Variants in CLIC4 observed in about 807,000 individuals in gnomAD.
The protein encoded by CLIC4 is chloride intracellular channel protein 4.
A neutral mutation model predicts 24.6 loss-of-function variants in CLIC4; 13 were observed. The ratio of observed to expected loss-of-function variants is 0.53; its 90% CI spans 0.34 to 0.84. The LOEUF is 0.84. Among genes scored for constraint, CLIC4 ranks in the 40% least tolerant of loss-of-function variants. The probability of loss-of-function intolerance (pLI) is 0.01; values close to 1 mark genes in which losing one functional copy is unlikely to be tolerated. For synonymous variants in CLIC4, 104 were observed against 111.3 expected (o/e 0.93, Z 0.41); for missense variants, 227 against 301.7 (o/e 0.75, Z 1.83).
rs1305619975 is a variant in CLIC4, at chr1:24,756,149, G to A, written c.72+10524G>A. Among the ~76,000 whole-genome samples the A allele has an allele frequency of 4.6e-5, 7 of 151,910 alleles. No homozygotes were observed. The South Asian group carries it at 1.0e-3, about 23-fold the overall frequency. Reference sequence around the variant, plus strand: ...CGAGTAGCTGGGACTACAGGCGCCCGCCACCACGCCTGGCTGATTTTTTCT... The same window carrying A: ...CGAGTAGCTGGGACTACAGGCGCCCACCACCACGCCTGGCTGATTTTTTCT... On this transcript the variant is annotated intron_variant, in intron 1 of 5. Transcript: ENST00000374379.
At chr1:24,825,456 G>GGGCCCT (rs1408412342) in intron 3 of CLIC4, among the ~76,000 whole-genome samples, 1 of 152,074 alleles carries the variant, frequency 6.6e-6, no homozygotes, top group African/African-American at 2.4e-5. Context: ...AGAGGGTAAA[G>GGGCCCT]GGCCCTATAG....
At chr1:24,769,508 T>TA (rs1229390729) in intron 1 of CLIC4, among the ~76,000 whole-genome samples, 1 of 152,234 alleles carries the variant, frequency 6.6e-6, no homozygotes, top group African/African-American at 2.4e-5. Flanking sequence ...TGATTTGTAC[T>TA]AACGTCTTTG....
chr1:24,827,708 C>T (rs909862529), intron 4 of CLIC4, among the ~76,000 whole-genome samples: 6 of 151,878 alleles, frequency 4.0e-5, no homozygotes, highest in African/African-American at 1.2e-4. Flanking sequence ...CATGTTTTCG[C>T]GGTAAGAGTT....
intron 2 of CLIC4, among the ~76,000 whole-genome samples, chr1:24,802,939 G>A (rs909066576): frequency 2.6e-5 from 4 of 152,000 alleles, no homozygotes; most frequent in South Asian, 2.1e-4. Context: ...GAACTCCTGG[G>A]CTCAAGCAGT....
chr1:24,841,168 C>G lies in CLIC4; in HGVS notation c.*231C>G, dbSNP rs1371615135. The G allele has an allele frequency of 6.9e-6, 2 of 289,004 alleles. No homozygotes were observed. Among genetic ancestry groups the G allele is most frequent in the East Asian group, 5.6e-5 (1 of 17,896 alleles). 17.9% of individuals were successfully genotyped at this position (289,004 alleles called of 1,614,324 possible). On this transcript the variant is annotated 3_prime_UTR_variant, in exon 6 of 6. Coordinates refer to ENST00000374379, the MANE Select transcript of CLIC4 (RefSeq NM_013943.3). ...ACCTCCCCTACCCGGGTTCCCCTCT[C>G]TTTAATTTGGAGACACTCCACCACA...
chr1:24,804,123 T>G (rs1183119900), intron 2 of CLIC4, among the ~76,000 whole-genome samples: 3 of 152,032 alleles, frequency 2.0e-5, no homozygotes, highest in African/African-American at 7.2e-5. Context: ...TCCATGATCT[T>G]CAGTAGCAGC....
intron 1 of CLIC4, among the ~76,000 whole-genome samples, chr1:24,769,925 C>G (rs1174040843): frequency 1.3e-5 from 2 of 151,852 alleles, no homozygotes; most frequent in African/African-American, 2.4e-5. Context: ...GGTGTCATCA[C>G]AGGTCACTGC....
At chr1:24,757,049 C>T (rs924104213) in intron 1 of CLIC4, among the ~76,000 whole-genome samples, 1 of 152,216 alleles carries the variant, frequency 6.6e-6, no homozygotes, top group African/African-American at 2.4e-5. Context: ...GCATGCACCA[C>T]CACACCCAGC....
intron 3 of CLIC4, among the ~76,000 whole-genome samples, chr1:24,824,442 A>G (rs750398507): frequency 6.6e-4 from 100 of 151,992 alleles, no homozygotes; most frequent in Non-Finnish European, 6.6e-4. Context: ...TGATTTTTGT[A>G]TTTTTAGTGG....
rs777782170 is a variant in CLIC4 at position 24,840,056 on chromosome 1, G to A, written c.597+15G>A. On this transcript the variant is annotated intron_variant, in intron 5 of 5. Transcript: ENST00000374379. ...ATATTGTCAAGGTAGGTCTGTAGGG[G>A]TTGATGTCGCATTGCCATTACCTTG... 11 of 1,609,624 alleles carry A rather than the reference G, an allele frequency of 6.8e-6. No homozygotes were observed. In the Admixed American group the frequency reaches 1.2e-4, roughly 17 times the overall value.
intron 1 of CLIC4, among the ~76,000 whole-genome samples, chr1:24,747,590 G>A (rs1393139606): frequency 6.7e-6 from 1 of 149,868 alleles, no homozygotes; most frequent in Non-Finnish European, 1.5e-5. Context: ...ACAGCATGGA[G>A]AAGGGAAACA....
In CLIC4 at chr1:24,755,218, G is replaced by A. The variant is rs543946064; in HGVS notation, c.72+9593G>A. ...CCTGACCTCATGATCTGCCCGCCTC[G>A]GCCTCCCAAAGTACTGGGATTACAG... is the stretch of plus-strand genomic sequence containing the variant. On this transcript the variant is annotated intron_variant, in intron 1 of 5. Transcript: ENST00000374379. Among the ~76,000 whole-genome samples the A allele has an allele frequency of 2.4e-3, 368 of 151,346 alleles. 2 individuals are homozygous for A. Among genetic ancestry groups the A allele is most frequent in the African/African-American group, 8.2e-3 (338 of 41,240 alleles).
intron 1 of CLIC4, among the ~76,000 whole-genome samples, chr1:24,773,591 CTTTTTTTT>C (rs61367134): frequency 2.7e-4 from 20 of 74,012 alleles, no homozygotes; most frequent in African/African-American, 9.4e-4. Flanking sequence ...TGAGATGCAC[CTTTTTTTT>C]TTTTTTTTTT....
At chr1:24,821,554 GT>G (rs1234034186) in intron 3 of CLIC4, among the ~76,000 whole-genome samples, 1 of 151,916 alleles carries the variant, frequency 6.6e-6, no homozygotes, top group Non-Finnish European at 1.5e-5. Flanking sequence ...GTTTTGTTCT[GT>G]TTTTGTTTAG....
At chr1:24,746,545 T>TC (rs1638700427) in intron 1 of CLIC4, among the ~76,000 whole-genome samples, 3 of 152,090 alleles carry the variant, frequency 2.0e-5, no homozygotes, top group Admixed American at 2.0e-4. Context: ...TCCAGCTCCT[T>TC]CCCTCAAAAC....
chr1:24,750,106 C>A (rs1638755084), intron 1 of CLIC4, among the ~76,000 whole-genome samples: 1 of 151,798 alleles, frequency 6.6e-6, no homozygotes, highest in South Asian at 2.1e-4. Flanking sequence ...CTAAGCTGGG[C>A]CTGGTGGCCC....
At position 24,765,215 on chromosome 1, in the gene CLIC4, G is replaced by T. The variant is rs76446526; in HGVS notation, c.72+19590G>T. 2.7e-3 allele frequency among the ~76,000 whole-genome samples: 414 copies of T among 152,282 alleles called. 2 individuals carry two copies. Among genetic ancestry groups the T allele is most frequent in the African/African-American group, 8.6e-3 (359 of 41,560 alleles). ...ATGGAAAAGCATTTCATATTTAATT[G>T]AAATAATATATACATTTATGGAGTG... On this transcript the variant is annotated intron_variant, in intron 1 of 5. Coordinates refer to ENST00000374379, the MANE Select transcript of CLIC4 (RefSeq NM_013943.3).
chr1:24,837,313 CTA>C (rs1428142065), intron 4 of CLIC4, among the ~76,000 whole-genome samples: 1 of 152,030 alleles, frequency 6.6e-6, no homozygotes, highest in African/African-American at 2.4e-5. Flanking sequence ...AATTTTGAAA[CTA>C]TTGGAGAAAT....
intron 2 of CLIC4, among the ~76,000 whole-genome samples, chr1:24,812,354 G>GA (rs1475511204): frequency 6.6e-6 from 1 of 152,040 alleles, no homozygotes; most frequent in African/African-American, 2.4e-5. Context: ...AGAATAATGG[G>GA]AAAGAAATAG....
Sources: allele counts gnomAD v4.1 joint callset (sites outside exome capture counted in the v4.1 genomes callset), GRCh38; gene constraint gnomAD v4.1.1; transcripts MANE v1.5; gene names NCBI Gene and HGNC (gene_info 2026-07-23, HGNC 2026-07-21).